The following DNAH5 variants were observed in gnomAD, a reference collection of about 807,000 sequenced individuals.
DNAH5 encodes the protein axonemal beta dynein heavy chain 5.
DNAH5 carries 372 observed loss-of-function variants against 518.2 expected under a neutral mutation model. The observed-to-expected ratio is 0.72, with a 90% CI of 0.66 to 0.78. The LOEUF is 0.78. DNAH5 is among the 30% of genes least tolerant of loss of function. DNAH5 has a pLI of 0.00. For missense variants in DNAH5, 5,523 were observed against 5,687.0 expected (o/e 0.97, Z 0.93); for synonymous variants, 2,039 against 2,025.9 (o/e 1.01, Z -0.17).
At chr5:13,845,753 A>T (rs1051240423) in intron 31 of DNAH5, among the ~76,000 whole-genome samples, 1 of 121,796 alleles carries the variant, frequency 8.2e-6, no homozygotes, top group African/African-American at 3.4e-5. Flanking sequence ...AAACTTTACC[A>T]GCTTTTTAAT....
At chr5:13,712,742 C>T (rs1743663181) in intron 75 of DNAH5, among the ~76,000 whole-genome samples, 1 of 152,108 alleles carries the variant, frequency 6.6e-6, no homozygotes, top group Non-Finnish European at 1.5e-5. Context: ...CACTAATGAT[C>T]AGGGAAATGC....
rs1323250775 is a variant in DNAH5 at position 14,001,508 on chromosome 5, C to T, written c.12+10140G>A. Among the ~76,000 whole-genome samples the T allele has an allele frequency of 7.2e-5, 11 of 151,894 alleles. No homozygotes were observed. In the South Asian group the frequency reaches 1.7e-3, roughly 23 times the overall value. On this transcript the variant is annotated intron_variant, in intron 1 of 78. Transcript: ENST00000681290. ...CCTCCTGAGTAGCTGGGACTACAGG[C>T]GCCCGCCACCACACCCAGCTAATTT...
In DNAH5 at chr5:13,870,757, C is replaced by A; in HGVS notation, c.3834+10G>T. 6.2e-7 allele frequency: 1 copy of A among 1,603,408 alleles called. No individual in the cohort carries two copies. Among genetic ancestry groups the A allele is most frequent in the Non-Finnish European group, 8.5e-7 (1 of 1,170,772 alleles). The stretch of plus-strand genomic sequence containing the variant: ...AATATTTCTATAATGAACAAATGAT[C>A]ATTAGTTACCTCAATAGGTCCTACT... On this transcript the variant is annotated intron_variant, in intron 24 of 78. Coordinates refer to ENST00000265104, the MANE Select transcript of DNAH5 (RefSeq NM_001369.3).
chr5:13,988,725 A>C (rs573692760), intron 1 of DNAH5, among the ~76,000 whole-genome samples: 1 of 90,338 alleles, frequency 1.1e-5, no homozygotes, highest in Non-Finnish European at 2.3e-5. Flanking sequence ...CCCAGCCCAA[A>C]TCTTTTTTTT....
At chr5:13,718,785 G>T in intron 72 of DNAH5, 97 bp downstream of exon 72, 2 of 1,013,674 alleles carry the variant, frequency 2.0e-6, no homozygotes, top group Non-Finnish European at 3.1e-6. Context: ...AGTACTATTT[G>T]CTATAACTGT....
At chr5:13,961,621 G>A (rs1035376943) in intron 1 of DNAH5, among the ~76,000 whole-genome samples, 6 of 151,756 alleles carry the variant, frequency 4.0e-5, no homozygotes, top group Admixed American at 2.6e-4. Flanking sequence ...TCCAGCCCGG[G>A]TGACAGAGCA....
chr5:14,011,000 TA>T (rs35413406), intron 1 of DNAH5, among the ~76,000 whole-genome samples: 8,934 of 142,326 alleles, frequency 0.063, 812 homozygotes, highest in African/African-American at 0.21. Context: ...AATATTCACT[TA>T]AAAAAAAAAA....
At chr5:13,730,864 C>A (rs1746438723) in intron 68 of DNAH5, among the ~76,000 whole-genome samples, 1 of 152,022 alleles carries the variant, frequency 6.6e-6, no homozygotes, top group South Asian at 2.1e-4. Flanking sequence ...CCACGCCTGG[C>A]TAATTTTGTA....
At position 13,883,114 on chromosome 5, in the gene DNAH5, G is replaced by A. The variant is rs746633535; in HGVS notation, c.2984-20C>T. On this transcript the variant is annotated intron_variant, in intron 19 of 78. Transcript: ENST00000265104. Reference sequence around the variant, plus strand: ...TACTGTCTGAGTTAACCCAAAACAAGGAAGAATTCACATTTTTAATACAAA... The same window carrying A: ...TACTGTCTGAGTTAACCCAAAACAAAGAAGAATTCACATTTTTAATACAAA... 1.2e-6 allele frequency: 2 copies of A among 1,611,564 alleles called. No homozygotes were observed. Among genetic ancestry groups the A allele is most frequent in the Middle Eastern group, 1.6e-4 (1 of 6,062 alleles).
intron 22 of DNAH5, among the ~76,000 whole-genome samples, chr5:13,876,028 G>T (rs1770837587): frequency 6.6e-6 from 1 of 152,096 alleles, no homozygotes; most frequent in Admixed American, 6.5e-5. Context: ...AAGTCTTACT[G>T]GCCATGTGAA....
At chr5:13,742,689 C>G (rs1182508120) in intron 65 of DNAH5, among the ~76,000 whole-genome samples, 1 of 152,018 alleles carries the variant, frequency 6.6e-6, no homozygotes, top group East Asian at 1.9e-4. Flanking sequence ...AATTTAATAT[C>G]ATTGTTAACA....
At chr5:13,861,772 C>G (rs1768448767) in intron 29 of DNAH5, among the ~76,000 whole-genome samples, 1 of 151,950 alleles carries the variant, frequency 6.6e-6, no homozygotes, top group South Asian at 2.1e-4. Flanking sequence ...GCCTGGCCAA[C>G]ATGGTGAAAC....
intron 1 of DNAH5, among the ~76,000 whole-genome samples, chr5:13,936,230 A>G (rs1479923997): frequency 6.6e-6 from 1 of 152,192 alleles, no homozygotes; most frequent in East Asian, 1.9e-4. Flanking sequence ...TTCCTCAACT[A>G]CAAAATGAAA....
intron 40 of DNAH5, among the ~76,000 whole-genome samples, chr5:13,822,267 T>G (rs1762331470): frequency 6.6e-6 from 1 of 151,718 alleles, no homozygotes; most frequent in Non-Finnish European, 1.5e-5. Flanking sequence ...TTGTTTGTTT[T>G]TGAGACAGAG....
chr5:13,746,989 T>C (rs1749442982), intron 65 of DNAH5, among the ~76,000 whole-genome samples: 1 of 152,132 alleles, frequency 6.6e-6, no homozygotes, highest in African/African-American at 2.4e-5. Flanking sequence ...GCTGCACCCA[T>C]TAACTCGTCA....
intron 69 of DNAH5, among the ~76,000 whole-genome samples, chr5:13,728,093 C>G (rs115811347): frequency 0.013 from 2,033 of 152,266 alleles, 47 homozygotes; most frequent in African/African-American, 0.047. Flanking sequence ...ACATTTAACA[C>G]ATGTTTATTA....
At position 13,727,614 on chromosome 5, in the gene DNAH5, C is replaced by A; in HGVS notation, c.11926G>T (p.Glu3976Ter). ...GGAAGAGGTTCCTCCTCCGGGTTTT[C>A]CTTATCAAACCAAATTTTCCACATT... Reference protein sequence around the residue: ...EKMWKIWFDKENPEEEPLPNA... With the variant: ...EKMWKIWFDK Residue 3976 changes from glutamate (E) to a stop codon, truncating the protein, a stop_gained, in exon 70 of 79, where the codon GAA (glutamate) becomes TAA (stop). Coordinates refer to ENST00000265104, the MANE Select transcript of DNAH5 (RefSeq NM_001369.3). LOFTEE classifies it high-confidence loss of function. The A allele has an allele frequency of 6.2e-7, 1 of 1,613,790 alleles. No homozygotes were observed. Among genetic ancestry groups the A allele is most frequent in the South Asian group, 1.1e-5 (1 of 91,072 alleles).
chr5:13,814,481 C>A lies in DNAH5; in HGVS notation c.7230+124G>T, dbSNP rs993791631. On this transcript the variant is annotated intron_variant, in intron 43 of 78. Transcript: ENST00000265104. ...ATGTCCCAGTGCATTCAAGTATCTTCCACAAACATTAGCATAAAAATGCAG... is the reference window on the plus strand; with the variant it reads ...ATGTCCCAGTGCATTCAAGTATCTTACACAAACATTAGCATAAAAATGCAG... 5.2e-5 allele frequency: 48 copies of A among 930,710 alleles called. No individual in the cohort carries two copies. In the African/African-American group the frequency reaches 5.9e-4, roughly 11 times the overall value. The allele number at this position is 930,710 out of a possible 1,614,324, so 57.7% of individuals were successfully genotyped here.
In DNAH5 at chr5:13,692,109, A is replaced by G. The variant is rs746612001; in HGVS notation, c.13750T>C (p.Cys4584Arg). ...CGAACTGGCTTCTTATAGATGGGAC[A>G]GGAGTAAAACCGAGGATCTCGTAAA... Reference protein sequence around the residue: ...NTLRDPRFYSCPIYKKPVRTD... With the variant: ...NTLRDPRFYSRPIYKKPVRTD... Residue 4584 changes from cysteine (C) to arginine (R), a missense_variant, in exon 79 of 79, where the codon TGT (cysteine) becomes CGT (arginine). By Grantham distance (180) the Cys-to-Arg change is radical (BLOSUM62 -3). Coordinates refer to ENST00000265104, the MANE Select transcript of DNAH5 (RefSeq NM_001369.3). 2 of 1,614,090 alleles carry G rather than the reference A, an allele frequency of 1.2e-6. No individual in the cohort carries two copies. The highest frequency in any genetic ancestry group is 1.7e-5 in the Admixed American group (1 of 60,006).
Sources: gnomAD v4.1 joint callset for allele counts (sites outside exome capture counted in the v4.1 genomes callset) on GRCh38, gnomAD v4.1.1 for gene constraint, MANE v1.5 for transcripts, NCBI Gene and HGNC (gene_info 2026-07-23, HGNC 2026-07-21) for gene names.